DAD1: variants seen among roughly 807,000 people sequenced by gnomAD.
The protein encoded by DAD1 is defender against cell death 1, also known as dolichyl-diphosphooligosaccharide--protein glycosyltransferase subunit DAD1.
A neutral mutation model predicts 9.0 loss-of-function variants in DAD1; 4 were observed. The ratio of observed to expected loss-of-function variants is 0.44; its 90% confidence interval spans 0.22 to 1.01. The LOEUF (loss-of-function observed/expected upper bound fraction) is 1.01, where lower values mean the gene tolerates loss of function less well. DAD1 is among the 50% of genes least tolerant of loss of function. The probability of loss-of-function intolerance (pLI) is 0.24; values close to 1 mark genes in which losing one functional copy is unlikely to be tolerated. For missense variants in DAD1, 119 were observed against 137.3 expected (o/e 0.87, Z 0.67); for synonymous variants, 60 against 62.5 (o/e 0.96, Z 0.19).
chr14:22,580,579 G>A (rs1005780196), intron 1 of DAD1, among the ~76,000 whole-genome samples: 1 of 151,762 alleles, frequency 6.6e-6, no homozygotes. Context: ...GGAAATATGA[G>A]GGAAAAAAAG....
rs571923158 is a variant in DAD1 at position 22,586,802 on chromosome 14, C to T, written c.211+2145G>A. Among the ~76,000 whole-genome samples the T allele has an allele frequency of 2.4e-3, 360 of 152,294 alleles. 1 individual carries two copies. The highest frequency in any genetic ancestry group is 8.3e-3 in the African/African-American group (345 of 41,572). The stretch of plus-strand genomic sequence containing the variant: ...GTCTCCAGTTGATGATCTAGGCTAA[C>T]AAATGGCAGAAGAGGCAGGATTTAG... On this transcript the variant is annotated intron_variant, in intron 1 of 2. Coordinates refer to ENST00000250498, the MANE Select transcript of DAD1 (RefSeq NM_001344.4).
At chr14:22,579,459 T>C (rs2037100309) in intron 1 of DAD1, among the ~76,000 whole-genome samples, 1 of 152,210 alleles carries the variant, frequency 6.6e-6, no homozygotes, top group Non-Finnish European at 1.5e-5. Context: ...GTAAACACCA[T>C]GGAAGCACCA....
rs2037174321 is a variant in DAD1 at position 22,589,100 on chromosome 14, T to G, written c.58A>C (p.Thr20Pro). 6.2e-7 allele frequency: 1 copy of G among 1,613,844 alleles called. No individual in the cohort carries two copies. The highest frequency in any genetic ancestry group is 8.5e-7 in the Non-Finnish European group (1 of 1,179,962). ...TCCAGCAACTTCAGACGCTGCGGAG[T>G]GGAGCTCAAGTACTCTTCTAAGAAC... is the stretch of plus-strand genomic sequence containing the variant. The part of the protein sequence containing the change: ...SRFLEEYLSS[T>P]PQRLKLLDAY... The change falls in exon 1 of 3, where the codon ACT (threonine) becomes CCT (proline). Residue 20 changes from threonine to proline, a missense_variant. Physicochemically the swap from Thr to Pro is conservative, Grantham distance 38. Transcript: ENST00000250498.
chr14:22,583,825 G>C (rs958195706), intron 1 of DAD1, among the ~76,000 whole-genome samples: 2 of 152,044 alleles, frequency 1.3e-5, no homozygotes, highest in African/African-American at 4.8e-5. Flanking sequence ...GGGTATAAAA[G>C]TAGGTGATCT....
At chr14:22,578,252 T>TAA (rs71115559) in intron 1 of DAD1, among the ~76,000 whole-genome samples, 2 of 140,226 alleles carry the variant, frequency 1.4e-5, no homozygotes, top group African/African-American at 2.6e-5. Context: ...AAACTCCATC[T>TAA]AAAAAAAAAA....
Position 22,589,186 on chromosome 14 carries a change from C to T in DAD1, c.-29G>A, listed in dbSNP as rs113477152. The T allele has an allele frequency of 3.1e-6, 5 of 1,612,012 alleles. No homozygotes were observed. The highest frequency in any genetic ancestry group is 2.2e-5 in the South Asian group (2 of 90,964). On this transcript the variant is annotated 5_prime_UTR_variant, in exon 1 of 3. Coordinates refer to ENST00000250498, the MANE Select transcript of DAD1 (RefSeq NM_001344.4). ...TGCACGCAAGGTACTCCGGTCCGCG[C>T]CCCAAACTCTTGGAGGACCCGTCGA...
At position 22,589,010 on chromosome 14, in the gene DAD1, T is replaced by G; in HGVS notation, c.148A>C (p.Thr50Pro). 6.2e-7 allele frequency: 1 copy of G among 1,613,840 alleles called. No homozygotes were observed. The highest frequency in any genetic ancestry group is 8.5e-7 in the Non-Finnish European group (1 of 1,179,970). ...GAGAGAAAAGAGTTGAAGGGGAAGG[T>G]CCCCACGAGGAGACAGTAACCGAAC... Reference protein sequence around the residue: ...LQFGYCLLVGTFPFNSFLSGF... With the variant: ...LQFGYCLLVGPFPFNSFLSGF... Residue 50 changes from threonine (T) to proline (P), a missense_variant, in exon 1 of 3, where the codon ACC becomes CCC. Transcript: ENST00000250498.
At chr14:22,573,709 CAAAAA>C in intron 2 of DAD1, among the ~76,000 whole-genome samples, 1 of 44,520 alleles carries the variant, frequency 2.2e-5, no homozygotes, top group South Asian at 7.4e-4. Context: ...GACTCCATCT[CAAAAA>C]AAAAAAAAAA....
chr14:22,582,253 A>G (rs1427641930), intron 1 of DAD1, among the ~76,000 whole-genome samples: 22 of 147,790 alleles, frequency 1.5e-4, no homozygotes, highest in African/African-American at 4.0e-4. Flanking sequence ...AGTGGCTCAC[A>G]CCTGTAATCC....
intron 2 of DAD1, among the ~76,000 whole-genome samples, chr14:22,570,877 T>C (rs895224096): frequency 6.6e-6 from 1 of 152,196 alleles, no homozygotes; most frequent in African/African-American, 2.4e-5. Context: ...TTTTGTCCCT[T>C]TGGGCCCAGT....
chr14:22,569,869 T>C (rs189466238), intron 2 of DAD1, among the ~76,000 whole-genome samples: 8 of 152,300 alleles, frequency 5.3e-5, no homozygotes, highest in African/African-American at 1.9e-4. Context: ...CCAGGCACTG[T>C]GACACACCTG....
rs775606457 is a variant in DAD1 at position 22,589,203 on chromosome 14, AC to A, written c.-47del. On this transcript the variant is annotated 5_prime_UTR_variant, in exon 1 of 3. Coordinates refer to ENST00000250498, the MANE Select transcript of DAD1 (RefSeq NM_001344.4). ...GGTCCGCGCCCCAAACTCTTGGAGGACCCGTCGACCACACCGGATGTGCTGT... is the reference window on the plus strand; with the variant it reads ...GGTCCGCGCCCCAAACTCTTGGAGGACCGTCGACCACACCGGATGTGCTGT... The A allele has an allele frequency of 3.1e-6, 5 of 1,595,856 alleles. No homozygotes were observed. In the Admixed American group the frequency reaches 5.0e-5, roughly 16 times the overall value.
At chr14:22,576,322 A>T (rs1287030783) in intron 1 of DAD1, among the ~76,000 whole-genome samples, 1 of 152,226 alleles carries the variant, frequency 6.6e-6, no homozygotes, top group East Asian at 1.9e-4. Flanking sequence ...TACAAAATCA[A>T]ATGATTTTCA....
intron 2 of DAD1, among the ~76,000 whole-genome samples, chr14:22,574,085 C>G (rs1419423195): frequency 6.6e-6 from 1 of 152,150 alleles, no homozygotes; most frequent in Admixed American, 6.5e-5. Flanking sequence ...CCACCCAGAA[C>G]ATTACATTTT....
At chr14:22,579,660 A>C (rs2037101940) in intron 1 of DAD1, among the ~76,000 whole-genome samples, 1 of 152,178 alleles carries the variant, frequency 6.6e-6, no homozygotes, top group Admixed American at 6.5e-5. Context: ...GAACAAAGAC[A>C]TTCTGAAAGT....
intron 1 of DAD1, among the ~76,000 whole-genome samples, chr14:22,581,927 G>T (rs1277659821): frequency 6.6e-6 from 1 of 152,108 alleles, no homozygotes; most frequent in Non-Finnish European, 1.5e-5. Context: ...AGAAGGCCGG[G>T]CGCAGTGGCT....
At position 22,573,989 on chromosome 14, in the gene DAD1, C is replaced by T. The variant is rs5742804; in HGVS notation, c.*44+1070G>A. Among the ~76,000 whole-genome samples, 1,246 of 152,268 alleles carry T rather than the reference C, an allele frequency of 8.2e-3. 12 individuals carry two copies. Among genetic ancestry groups the T allele is most frequent in the African/African-American group, 0.027 (1,142 of 41,534 alleles). On this transcript the variant is annotated intron_variant, in intron 2 of 2. Transcript: ENST00000250498. ...CTGCTGGTTAGTATAAAAATGACAG[C>T]TTTCCAAGTGGTGACAGGAAGAGGT... is the stretch of plus-strand genomic sequence containing the variant.
At chr14:22,582,314 AC>A in intron 1 of DAD1, among the ~76,000 whole-genome samples, 1 of 151,432 alleles carries the variant, frequency 6.6e-6, no homozygotes, top group South Asian at 2.1e-4. Context: ...GGAGATCGAG[AC>A]CATCCTGGCT....
At chr14:22,575,918 C>T (rs2037074903) in intron 1 of DAD1, among the ~76,000 whole-genome samples, 1 of 152,170 alleles carries the variant, frequency 6.6e-6, no homozygotes, top group South Asian at 2.1e-4. Flanking sequence ...AAGCCAAAGA[C>T]AAAAAAGCCC....
Sources: allele counts gnomAD v4.1 joint callset (sites outside exome capture counted in the v4.1 genomes callset), GRCh38; gene constraint gnomAD v4.1.1; transcripts MANE v1.5; gene names NCBI Gene and HGNC (gene_info 2026-07-23, HGNC 2026-07-21).